SCML4: variants seen among roughly 807,000 people sequenced by gnomAD.
SCML4 encodes Scm polycomb group protein like 4, also known as sex comb on midleg-like protein 4.
A neutral mutation model predicts 41.1 loss-of-function variants in SCML4; 34 were observed. That is an observed-to-expected ratio of 0.83 (90% confidence interval 0.63 to 1.10). The LOEUF is 1.10. Ranked by LOEUF, SCML4 falls within the 50% of genes least tolerant of loss-of-function variation. The pLI is 0.00. For synonymous variants in SCML4, 214 were observed against 220.9 expected, an observed-to-expected ratio of 0.97 and a Z score of 0.28; for missense variants, 522 against 534.1, an observed-to-expected ratio of 0.98 and a Z score of 0.22.
intron 7 of SCML4, among the ~76,000 whole-genome samples, chr6:107,706,710 G>A (rs1042195954): frequency 2.4e-4 from 37 of 152,240 alleles, no homozygotes; most frequent in Non-Finnish European, 3.7e-4. Flanking sequence ...GGGGAGTGGC[G>A]GCTGTGTAAT....
At chr6:107,816,546 A>T (rs1213476872) in intron 1 of SCML4, among the ~76,000 whole-genome samples, 2 of 152,206 alleles carry the variant, frequency 1.3e-5, no homozygotes, top group South Asian at 2.1e-4. Flanking sequence ...CTCTCAGAGG[A>T]GGAAGAAGCT....
Position 107,766,952 on chromosome 6 carries a change from T to TC in SCML4, c.156+5219_156+5220insG, listed in dbSNP as rs202159859. ...TTCCCATCTGTACTATTAAGCTATT[T>TC]TTTTTTTTTTTTTTTTTGAGACAGA... On this transcript the variant is annotated intron_variant, in intron 2 of 7. Coordinates refer to ENST00000369020, the MANE Select transcript of SCML4 (RefSeq NM_198081.5). Among the ~76,000 whole-genome samples the TC allele has an allele frequency of 0.015, 1,200 of 78,724 alleles. 22 individuals are homozygous for TC. The African/African-American group carries it at 0.17, about 11-fold the overall frequency. 51.6% of individuals were successfully genotyped at this position (78,724 alleles called of 152,430 possible). A position where few individuals can be genotyped will look rare whatever the true frequency, so the allele number is the denominator to read the frequency against.
chr6:107,722,983 GCTTGTTCTTTGGAA>G (rs1775581800), intron 5 of SCML4, among the ~76,000 whole-genome samples: 1 of 151,892 alleles, frequency 6.6e-6, no homozygotes, highest in Non-Finnish European at 1.5e-5. Context: ...AAAACCAAAA[GCTTGTTCTTTGGAA>G]AAAGAACCAA....
chr6:107,797,564 C>T (rs774226420), intron 1 of SCML4, among the ~76,000 whole-genome samples: 13 of 151,890 alleles, frequency 8.6e-5, no homozygotes, highest in African/African-American at 2.9e-4. Context: ...ATAATCATAT[C>T]GTTTGTGAAT....
At chr6:107,739,235 G>A (rs533525555) in intron 5 of SCML4, among the ~76,000 whole-genome samples, 1 of 151,916 alleles carries the variant, frequency 6.6e-6, no homozygotes. Flanking sequence ...AGAGTTTGAG[G>A]GACAAGACCT....
chr6:107,804,159 A>C (rs1783541212), intron 1 of SCML4, among the ~76,000 whole-genome samples: 1 of 151,880 alleles, frequency 6.6e-6, no homozygotes, highest in African/African-American at 2.4e-5. Context: ...GATCTGACTC[A>C]TTTAAAAAGG....
intron 1 of SCML4, among the ~76,000 whole-genome samples, chr6:107,820,602 CG>C (rs1344707923): frequency 2.0e-5 from 3 of 152,182 alleles, no homozygotes; most frequent in African/African-American, 7.2e-5. Context: ...TGACAAACCA[CG>C]GGTGAGAGTT....
At chr6:107,714,713 T>C (rs1355265583) in intron 6 of SCML4, among the ~76,000 whole-genome samples, 4 of 152,306 alleles carry the variant, frequency 2.6e-5, no homozygotes, top group East Asian at 1.9e-4. Flanking sequence ...AAACACCTCG[T>C]TGAGCTGTTG....
In SCML4 at chr6:107,772,345, T is replaced by A; in HGVS notation, c.-18A>T. On this transcript the variant is annotated 5_prime_UTR_variant, in exon 2 of 8. The change creates a new upstream start codon in the 5' untranslated region. Coordinates refer to ENST00000369020, the MANE Select transcript of SCML4 (RefSeq NM_198081.5). The stretch of plus-strand genomic sequence containing the variant: ...GACTGCATTTCTGCTGGTGCCAGTC[T>A]TACAGAATGAGGTGACAAATCGCTC... The A allele has an allele frequency of 6.5e-7, 1 of 1,545,570 alleles. No homozygotes were observed. Among genetic ancestry groups the A allele is most frequent in the South Asian group, 1.2e-5 (1 of 82,950 alleles).
At chr6:107,784,831 G>A (rs942421076) in intron 1 of SCML4, among the ~76,000 whole-genome samples, 3 of 152,164 alleles carry the variant, frequency 2.0e-5, no homozygotes, top group Admixed American at 6.5e-5. Flanking sequence ...CACTCATCAC[G>A]GCCCGTGGTG....
the SCML4 span, among the ~76,000 whole-genome samples, chr6:107,834,625 A>G: frequency 1.3e-5 from 2 of 152,214 alleles, no homozygotes; most frequent in Non-Finnish European, 2.9e-5. Flanking sequence ...TATGAAAGAC[A>G]GAGACCAAAA....
chr6:107,772,361 C>A lies in SCML4; in HGVS notation c.-34G>T, dbSNP rs890266712. 1 of 1,536,056 alleles carries A rather than the reference C, an allele frequency of 6.5e-7. No homozygotes were observed. The highest frequency in any genetic ancestry group is 2.5e-5 in the East Asian group (1 of 40,788). ...GTGCCAGTCTTACAGAATGAGGTGA[C>A]AAATCGCTCACAGGCAGAAGAGGTG... On this transcript the variant is annotated 5_prime_UTR_variant, in exon 2 of 8. Coordinates refer to ENST00000369020, the MANE Select transcript of SCML4 (RefSeq NM_198081.5).
intron 1 of SCML4, among the ~76,000 whole-genome samples, chr6:107,804,618 C>G (rs1783580538): frequency 1.5e-5 from 1 of 68,424 alleles, no homozygotes. Context: ...CTTAGCTCTC[C>G]AAACATCTTC....
intron 5 of SCML4, chr6:107,732,359 T>C (rs1776648357): frequency 6.6e-6 from 1 of 152,384 alleles, no homozygotes; most frequent in South Asian, 2.1e-4. Context: ...CTGGCCAGTA[T>C]GGATTTTCTC....
At chr6:107,835,154 A>G in the SCML4 span, among the ~76,000 whole-genome samples, 1 of 152,130 alleles carries the variant, frequency 6.6e-6, no homozygotes, top group African/African-American at 2.4e-5. Context: ...TGAGTCCAGG[A>G]GTTCAAGACC....
rs1344604641 is a variant in SCML4, at chr6:107,702,647, G to A, written c.*2553C>T. Among the ~76,000 whole-genome samples the A allele has an allele frequency of 2.0e-5, 3 of 152,182 alleles. No individual in the cohort carries two copies. Among genetic ancestry groups the A allele is most frequent in the Admixed American group, 2.0e-4 (3 of 15,272 alleles). On this transcript the variant is annotated 3_prime_UTR_variant, in exon 8 of 8. Coordinates refer to ENST00000369020, the MANE Select transcript of SCML4 (RefSeq NM_198081.5). ...TAACCTGCCCATGGCTGTTTTGAGG[G>A]AAATGTATCTAACTCTAAACCAGCA...
intron 1 of SCML4, among the ~76,000 whole-genome samples, chr6:107,792,507 G>A (rs62426348): frequency 0.088 from 13,459 of 152,142 alleles, 855 homozygotes; most frequent in Non-Finnish European, 0.14. Context: ...CGAGGCAGGC[G>A]GATCACCAGG....
At chr6:107,726,240 T>A (rs1775954234) in intron 5 of SCML4, among the ~76,000 whole-genome samples, 1 of 151,340 alleles carries the variant, frequency 6.6e-6, no homozygotes, top group African/African-American at 2.4e-5. Flanking sequence ...GTATTAAGAG[T>A]TATTCTAGCT....
intron 2 of SCML4, chr6:107,755,580 G>C: frequency 7.5e-7 from 1 of 1,337,286 alleles, no homozygotes; most frequent in Non-Finnish European, 9.9e-7. Flanking sequence ...CCTCTCTCCA[G>C]TGGAATGGGG....
Sources: allele counts gnomAD v4.1 joint callset (sites outside exome capture counted in the v4.1 genomes callset), GRCh38; gene constraint gnomAD v4.1.1; transcripts MANE v1.5; gene names NCBI Gene and HGNC (gene_info 2026-07-23, HGNC 2026-07-21).